Variants in TCP11L1 observed in about 807,000 individuals in gnomAD.
TCP11L1 encodes T-complex protein 11-like protein 1.
TCP11L1 carries 28 observed loss-of-function variants against 48.9 expected under a neutral mutation model. The ratio of observed to expected loss-of-function variants is 0.57; its 90% CI spans 0.42 to 0.78. The LOEUF (loss-of-function observed/expected upper bound fraction) is 0.78, where lower values mean the gene tolerates loss of function less well. Among genes scored for constraint, TCP11L1 ranks in the 30% least tolerant of loss-of-function variants. The pLI, the probability that TCP11L1 is intolerant of heterozygous loss-of-function variation, is 0.00. For missense variants in TCP11L1, 505 were observed against 613.4 expected (o/e 0.82, Z 1.87); for synonymous variants, 204 against 231.9 (o/e 0.88, Z 1.09).
At chr11:33,047,332 A>G (rs1289163149) in intron 2 of TCP11L1, among the ~76,000 whole-genome samples, 3 of 152,098 alleles carry the variant, frequency 2.0e-5, no homozygotes, top group Admixed American at 6.6e-5. Context: ...TTTGATTGTA[A>G]AAGATTATCT....
chr11:33,060,226 G>A (rs1037061676), intron 6 of TCP11L1, among the ~76,000 whole-genome samples: 1 of 152,122 alleles, frequency 6.6e-6, no homozygotes, highest in Non-Finnish European at 1.5e-5. Flanking sequence ...CTGAAGAGCC[G>A]TAATATTAAG....
Position 33,072,677 on chromosome 11 carries a change from C to T in TCP11L1, c.*1C>T, listed in dbSNP as rs1275931952. On this transcript the variant is annotated 3_prime_UTR_variant, in exon 10 of 10. Coordinates refer to ENST00000334274, the MANE Select transcript of TCP11L1 (RefSeq NM_018393.4). Reference sequence around the variant, plus strand: ...GAGTAAGATCCTCGTCCGATCCTAACGTGTATGCACCCTACAGCAGCAGTA... The same window carrying T: ...GAGTAAGATCCTCGTCCGATCCTAATGTGTATGCACCCTACAGCAGCAGTA... The T allele has an allele frequency of 6.2e-7, 1 of 1,613,990 alleles. No homozygotes were observed. Among genetic ancestry groups the T allele is most frequent in the Non-Finnish European group, 8.5e-7 (1 of 1,180,006 alleles).
chr11:33,057,911 T>C lies in TCP11L1; in HGVS notation c.418-8T>C. On this transcript the variant is annotated splice_region_variant and splice_polypyrimidine_tract_variant and intron_variant, in intron 4 of 9. Transcript: ENST00000334274. ...ATTTTGATTAAACGTAGCTGTGTTC[T>C]CTTGTAGACTCTCTTATCTTTCTTG... 2.5e-6 allele frequency: 4 copies of C among 1,601,558 alleles called. No individual in the cohort carries two copies. The highest frequency in any genetic ancestry group is 3.4e-6 in the Non-Finnish European group (4 of 1,176,274).
intron 1 of TCP11L1, among the ~76,000 whole-genome samples, chr11:33,041,763 A>T (rs1367313977): frequency 1.3e-5 from 2 of 152,136 alleles, no homozygotes; most frequent in Non-Finnish European, 2.9e-5. Context: ...CCCCAAAAAA[A>T]AAACAAAAAA....
chr11:33,054,171 A>G (rs889401120), intron 2 of TCP11L1, among the ~76,000 whole-genome samples: 4 of 152,018 alleles, frequency 2.6e-5, no homozygotes, highest in African/African-American at 9.7e-5. Context: ...TGGTAGTGCA[A>G]AAGTAAACTG....
At chr11:33,042,848 A>T (rs1371623768) in intron 1 of TCP11L1, among the ~76,000 whole-genome samples, 1 of 151,988 alleles carries the variant, frequency 6.6e-6, no homozygotes, top group East Asian at 1.9e-4. Context: ...CAGGTGGATC[A>T]TGAGGTCAGG....
At chr11:33,044,993 A>G (rs1025402355) in intron 2 of TCP11L1, among the ~76,000 whole-genome samples, 4 of 152,212 alleles carry the variant, frequency 2.6e-5, no homozygotes, top group African/African-American at 2.4e-5. Context: ...CAGGTAATAA[A>G]TGCTTAATAA....
At chr11:33,055,816 T>G (rs917443236) in intron 3 of TCP11L1, among the ~76,000 whole-genome samples, 2 of 152,144 alleles carry the variant, frequency 1.3e-5, no homozygotes, top group East Asian at 3.9e-4. Context: ...ACATTTTTAT[T>G]GTTGTTGTTG....
chr11:33,052,391 T>C (rs2133708428), intron 2 of TCP11L1, among the ~76,000 whole-genome samples: 1 of 152,334 alleles, frequency 6.6e-6, no homozygotes, highest in South Asian at 2.1e-4. Flanking sequence ...GGAAGAATTC[T>C]GAGTTTTCCC....
At chr11:33,071,829 T>C (rs1301869147) in intron 9 of TCP11L1, among the ~76,000 whole-genome samples, 2 of 152,132 alleles carry the variant, frequency 1.3e-5, no homozygotes. Context: ...TACTCACTCA[T>C]GCATTCATTC....
At chr11:33,048,978 G>A (rs531959821) in intron 2 of TCP11L1, among the ~76,000 whole-genome samples, 136 of 152,252 alleles carry the variant, frequency 8.9e-4, no homozygotes, top group Non-Finnish European at 1.6e-3. Flanking sequence ...CCGGCCAGGC[G>A]CGGTGGCTCA....
intron 7 of TCP11L1, 22 bp from the exon 8 acceptor site, chr11:33,065,808 T>C (rs371349170): frequency 6.2e-7 from 1 of 1,601,774 alleles, no homozygotes; most frequent in Admixed American, 1.7e-5. Flanking sequence ...AGCTCAGCGA[T>C]GGCCTCTTCT....
chr11:33,040,572 A>G (rs1314142396), intron 1 of TCP11L1: 3 of 152,226 alleles, frequency 2.0e-5, no homozygotes, highest in African/African-American at 7.2e-5. Flanking sequence ...GGATATACAG[A>G]TGGAGCATAA....
chr11:33,057,689 A>G (rs1854349148), intron 4 of TCP11L1, among the ~76,000 whole-genome samples: 2 of 152,142 alleles, frequency 1.3e-5, no homozygotes, highest in Admixed American at 1.3e-4. Context: ...CACCATTAAC[A>G]GTTTTTTCTT....
At chr11:33,044,814 A>G (rs1853940880) in intron 2 of TCP11L1, among the ~76,000 whole-genome samples, 1 of 152,196 alleles carries the variant, frequency 6.6e-6, no homozygotes, top group Non-Finnish European at 1.5e-5. Flanking sequence ...TGTCCAAGGA[A>G]ACATGTTGTT....
chr11:33,058,870 A>G, intron 5 of TCP11L1, 89 bp from the exon 6 acceptor site: 1 of 1,446,294 alleles, frequency 6.9e-7, no homozygotes, highest in Non-Finnish European at 9.5e-7. Flanking sequence ...TGTTGGGATT[A>G]CAGGTGTGAG....
chr11:33,054,997 A>T (rs888531836), intron 3 of TCP11L1, among the ~76,000 whole-genome samples: 1 of 152,206 alleles, frequency 6.6e-6, no homozygotes. Context: ...ATCACACTGC[A>T]CTATAGTTGT....
At chr11:33,045,149 G>A (rs1193357351) in intron 2 of TCP11L1, among the ~76,000 whole-genome samples, 3 of 152,008 alleles carry the variant, frequency 2.0e-5, no homozygotes, top group African/African-American at 4.8e-5. Context: ...GAGTCCAGGA[G>A]TTCAAGACCA....
intron 2 of TCP11L1, among the ~76,000 whole-genome samples, chr11:33,050,294 C>T (rs938153671): frequency 6.6e-6 from 1 of 152,126 alleles, no homozygotes; most frequent in African/African-American, 2.4e-5. Flanking sequence ...CAATTTTTTG[C>T]AAAAGCAAGG....
Sources: allele counts gnomAD v4.1 joint callset (sites outside exome capture counted in the v4.1 genomes callset), GRCh38; gene constraint gnomAD v4.1.1; transcripts MANE v1.5; gene names NCBI Gene and HGNC (gene_info 2026-07-23, HGNC 2026-07-21).